Variants in BNC2 observed in about 807,000 individuals in gnomAD.
BNC2 encodes zinc finger protein basonuclin-2.
BNC2 carries 20 observed loss-of-function variants against 76.3 expected under a neutral mutation model. The observed-to-expected ratio is 0.26, with a 90% CI of 0.18 to 0.38. The LOEUF is 0.38. Ranked by LOEUF, BNC2 falls within the 10% of genes least tolerant of loss-of-function variation. The pLI, the probability that BNC2 is intolerant of heterozygous loss-of-function variation, is 1.00. For missense variants in BNC2, 1,382 were observed against 1,399.8 expected (o/e 0.99, Z 0.20); for synonymous variants, 582 against 514.8 (o/e 1.13, Z -1.77).
intron 1 of BNC2, among the ~76,000 whole-genome samples, chr9:16,848,459 T>C (rs1819044612): frequency 1.3e-5 from 2 of 152,184 alleles, no homozygotes; most frequent in Admixed American, 1.3e-4. Context: ...CCACAGGAGT[T>C]ACAGTACATG....
At chr9:16,504,989 C>G (rs1358762622) in intron 5 of BNC2, among the ~76,000 whole-genome samples, 1 of 152,208 alleles carries the variant, frequency 6.6e-6, no homozygotes, top group Non-Finnish European at 1.5e-5. Flanking sequence ...AAAGAGAAGA[C>G]TATGAAGTCA....
chr9:16,453,349 T>C (rs1821381904), intron 5 of BNC2, among the ~76,000 whole-genome samples: 1 of 152,182 alleles, frequency 6.6e-6, no homozygotes, highest in Admixed American at 6.5e-5. Flanking sequence ...TGAGATGCTC[T>C]TCACAGAAGG....
chr9:16,628,189 G>A (rs1821051883), intron 3 of BNC2, among the ~76,000 whole-genome samples: 1 of 152,166 alleles, frequency 6.6e-6, no homozygotes. Flanking sequence ...TTGGCAGTGG[G>A]ACCAGCTTAG....
intron 3 of BNC2, among the ~76,000 whole-genome samples, chr9:16,643,705 T>C (rs1821551384): frequency 6.6e-6 from 1 of 152,210 alleles, no homozygotes; most frequent in Non-Finnish European, 1.5e-5. Flanking sequence ...CTGATGTTTC[T>C]TGGTACTTAT....
intron 1 of BNC2, among the ~76,000 whole-genome samples, chr9:16,777,654 T>C (rs1383825345): frequency 6.8e-6 from 1 of 148,046 alleles, no homozygotes; most frequent in East Asian, 2.0e-4. Flanking sequence ...TGAGCGGAGA[T>C]TGCACCACTG....
intron 3 of BNC2, among the ~76,000 whole-genome samples, chr9:16,701,159 C>G (rs1723189889): frequency 6.6e-6 from 1 of 152,130 alleles, no homozygotes; most frequent in South Asian, 2.1e-4. Flanking sequence ...GACTGTGGCT[C>G]TATCTCTTTT....
chr9:16,581,747 T>C (rs1329093576), intron 4 of BNC2, among the ~76,000 whole-genome samples: 3 of 152,178 alleles, frequency 2.0e-5, no homozygotes, highest in African/African-American at 4.8e-5. Context: ...ATAAAGAGAC[T>C]GCAGAAGTAA....
At chr9:16,460,442 G>C (rs1289502807) in intron 5 of BNC2, among the ~76,000 whole-genome samples, 4 of 152,130 alleles carry the variant, frequency 2.6e-5, no homozygotes, top group Admixed American at 6.5e-5. Context: ...GGCCAACATG[G>C]TGAAACCCCG....
intron 1 of BNC2, among the ~76,000 whole-genome samples, chr9:16,746,415 G>A (rs10962563): frequency 0.86 from 130,602 of 151,768 alleles, 56,585 homozygotes; most frequent in Non-Finnish European, 0.91. Context: ...CAAGGCTGGA[G>A]TGCCATGGTC....
chr9:16,415,629 A>G lies in BNC2; in HGVS notation c.*3360T>C, dbSNP rs966839564. 1.3e-5 allele frequency: 2 copies of G among 152,222 alleles called. No individual in the cohort carries two copies. Among genetic ancestry groups the G allele is most frequent in the African/African-American group, 4.8e-5 (2 of 41,456 alleles). 9.4% of individuals were successfully genotyped at this position (152,222 alleles called of 1,614,324 possible). ...ATCTCTTTATCCTTCCTGTTTGCAA[A>G]TAAGCCATGGGATCACCATCTTAAC... On this transcript the variant is annotated 3_prime_UTR_variant, in exon 7 of 7. Coordinates refer to ENST00000380672, the MANE Select transcript of BNC2 (RefSeq NM_017637.6).
At position 16,661,158 on chromosome 9, in the gene BNC2, T is replaced by A. The variant is rs560613665; in HGVS notation, c.330+66639A>T. ...ACAACCTAGGGGTTCCTTTCTTCAT[T>A]CCTAGAGAGAAAGAAGGTGTGAGCC... On this transcript the variant is annotated intron_variant, in intron 3 of 6. Coordinates refer to ENST00000380672, the MANE Select transcript of BNC2 (RefSeq NM_017637.6). Among the ~76,000 whole-genome samples, 3 of 152,358 alleles carry A rather than the reference T, an allele frequency of 2.0e-5. No individual in the cohort carries two copies. In the East Asian group the frequency reaches 5.8e-4, roughly 29 times the overall value.
chr9:16,438,730 A>C (rs1821068338), intron 5 of BNC2, among the ~76,000 whole-genome samples: 1 of 151,086 alleles, frequency 6.6e-6, no homozygotes, highest in Non-Finnish European at 1.5e-5. Context: ...ATACTTATTA[A>C]TTACAAAGGG....
At chr9:16,624,364 C>G (rs1286203354) in intron 3 of BNC2, among the ~76,000 whole-genome samples, 1 of 152,074 alleles carries the variant, frequency 6.6e-6, no homozygotes, top group Non-Finnish European at 1.5e-5. Flanking sequence ...ATGGCAACAA[C>G]ACCAGATGTA....
chr9:16,521,070 A>G (rs916843384), intron 5 of BNC2, among the ~76,000 whole-genome samples: 1 of 152,246 alleles, frequency 6.6e-6, no homozygotes, highest in South Asian at 2.1e-4. Context: ...AGGAACATAC[A>G]TCAGACAGGA....
intron 3 of BNC2, among the ~76,000 whole-genome samples, chr9:16,642,642 C>T (rs973284446): frequency 6.6e-6 from 1 of 152,178 alleles, no homozygotes; most frequent in Non-Finnish European, 1.5e-5. Flanking sequence ...ACTGTCATCA[C>T]TAATATCCCA....
At position 16,693,206 on chromosome 9, in the gene BNC2, C is replaced by T. The variant is rs556178096; in HGVS notation, c.330+34591G>A. Among the ~76,000 whole-genome samples, 224 of 151,828 alleles carry T rather than the reference C, an allele frequency of 1.5e-3. 3 individuals are homozygous for T. Among genetic ancestry groups the T allele is most frequent in the African/African-American group, 5.0e-3 (208 of 41,404 alleles). ...GCAAGAAGCAGCATATCTGCCCCTCCTGCAACCAACCGTTTCACAATTAAA... is the reference window on the plus strand; with the variant it reads ...GCAAGAAGCAGCATATCTGCCCCTCTTGCAACCAACCGTTTCACAATTAAA... On this transcript the variant is annotated intron_variant, in intron 3 of 6. Coordinates refer to ENST00000380672, the MANE Select transcript of BNC2 (RefSeq NM_017637.6).
At chr9:16,739,566 G>A (rs147534862) in intron 1 of BNC2, among the ~76,000 whole-genome samples, 31 of 152,282 alleles carry the variant, frequency 2.0e-4, no homozygotes, top group African/African-American at 7.2e-4. Flanking sequence ...CAGCTACTTG[G>A]GAAGCTGAGG....
At chr9:16,850,938 TAGA>T (rs1819113326) in intron 1 of BNC2, among the ~76,000 whole-genome samples, 1 of 152,170 alleles carries the variant, frequency 6.6e-6, no homozygotes, top group Admixed American at 6.5e-5. Context: ...CAAAGACGCT[TAGA>T]AGAACTAGAC....
chr9:16,503,124 A>G (rs562356626), intron 5 of BNC2, among the ~76,000 whole-genome samples: 2 of 152,234 alleles, frequency 1.3e-5, no homozygotes, highest in Non-Finnish European at 2.9e-5. Flanking sequence ...ATTTGAAAGA[A>G]AAACAGAAAA....
Sources: allele counts gnomAD v4.1 joint callset (sites outside exome capture counted in the v4.1 genomes callset), GRCh38; gene constraint gnomAD v4.1.1; transcripts MANE v1.5; gene names NCBI Gene and HGNC (gene_info 2026-07-23, HGNC 2026-07-21).